The following ATG3 variants were observed in gnomAD, a reference collection of about 807,000 sequenced individuals.
ATG3 encodes ubiquitin-like-conjugating enzyme ATG3.
Under a neutral mutation model 50.7 loss-of-function variants are expected in ATG3, and 25 were observed. That is an observed-to-expected ratio of 0.49 (90% CI 0.36 to 0.69). The LOEUF (loss-of-function observed/expected upper bound fraction) is 0.69. ATG3 is among the 30% of genes least tolerant of loss of function. The probability of loss-of-function intolerance (pLI) is 0.00; values close to 1 mark genes in which losing one functional copy is unlikely to be tolerated. For missense variants in ATG3, 281 were observed against 376.0 expected (o/e 0.75, Z 2.09); for synonymous variants, 119 against 125.5 (o/e 0.95, Z 0.34).
intron 7 of ATG3, among the ~76,000 whole-genome samples, chr3:112,539,473 T>C (rs1387092754): frequency 6.6e-6 from 1 of 152,242 alleles, no homozygotes; most frequent in Non-Finnish European, 1.5e-5. Flanking sequence ...TTTATTTAAA[T>C]GGCGTGTACT....
In ATG3 at chr3:112,537,526, TTA is replaced by T. The variant is rs201273597; in HGVS notation, c.666+207_666+208del. On this transcript the variant is annotated intron_variant, in intron 9 of 11. Coordinates refer to ENST00000283290, the MANE Select transcript of ATG3 (RefSeq NM_022488.5). ...GGAATATGTAATAGATTATTTCTGT[TTA>T]TGTCTTAGCATTATTGTTACACTGA... The T allele has an allele frequency of 2.8e-3, 1,105 of 390,470 alleles. 16 individuals carry two copies. The highest frequency in any genetic ancestry group is 0.019 in the African/African-American group (938 of 48,158). The allele number at this position is 390,470 out of a possible 1,614,324, so 24.2% of individuals were successfully genotyped here.
intron 11 of ATG3, 92 bp downstream of exon 11, chr3:112,534,177 A>G (rs749425164): frequency 2.0e-6 from 3 of 1,530,356 alleles, no homozygotes; most frequent in Non-Finnish European, 8.7e-7. Context: ...AACAAGTTAT[A>G]GCTACTGTAT....
At chr3:112,557,647 T>G (rs572655454) in intron 2 of ATG3, among the ~76,000 whole-genome samples, 1 of 152,156 alleles carries the variant, frequency 6.6e-6, no homozygotes, top group Admixed American at 6.5e-5. Context: ...ACCACAAAGA[T>G]TTGGAACTAG....
intron 6 of ATG3, among the ~76,000 whole-genome samples, chr3:112,542,646 G>A (rs1049816647): frequency 5.9e-5 from 9 of 151,832 alleles, no homozygotes; most frequent in African/African-American, 1.2e-4. Flanking sequence ...CATCAGTGTC[G>A]GAGTAATTAT....
intron 2 of ATG3, among the ~76,000 whole-genome samples, chr3:112,554,873 C>CT (rs1933622275): frequency 6.6e-6 from 1 of 152,142 alleles, no homozygotes; most frequent in South Asian, 2.1e-4. Flanking sequence ...CTGATAGAAA[C>CT]TTTATGTTTC....
chr3:112,536,791 G>A (rs1933065253), intron 9 of ATG3, 189 bp from the exon 10 acceptor site: 1 of 449,856 alleles, frequency 2.2e-6, no homozygotes, highest in Admixed American at 3.7e-5. Flanking sequence ...CAGGGTGGTG[G>A]GCGCCTGTGG....
At chr3:112,544,590 G>A (rs1467390700) in intron 5 of ATG3, among the ~76,000 whole-genome samples, 3 of 141,058 alleles carry the variant, frequency 2.1e-5, no homozygotes, top group Non-Finnish European at 4.5e-5. Flanking sequence ...GAAGGTGGAG[G>A]TTGCAATGAG....
At chr3:112,545,191 G>A (rs548250237) in intron 5 of ATG3, among the ~76,000 whole-genome samples, 8 of 152,290 alleles carry the variant, frequency 5.3e-5, no homozygotes, top group African/African-American at 1.9e-4. Flanking sequence ...GTCAAATGAT[G>A]AAATTGGGAT....
In ATG3 at chr3:112,536,587, T is replaced by C. The variant is rs1933054854; in HGVS notation, c.682A>G (p.Thr228Ala). Residue 228 changes from threonine to alanine, a missense_variant, in exon 10 of 12, where the codon ACA (threonine) becomes GCA (alanine). Coordinates refer to ENST00000283290, the MANE Select transcript of ATG3 (RefSeq NM_022488.5). ...ATGTCTTCATACATGTGCTCAACTG[T>C]TAAAGGCTGCCGTTGCTGAAAGCAT... Reference protein sequence around the residue: ...FGYDEQRQPLTVEHMYEDISQ... With the variant: ...FGYDEQRQPLAVEHMYEDISQ... The C allele has an allele frequency of 1.9e-6, 3 of 1,613,922 alleles. No homozygotes were observed. The highest frequency in any genetic ancestry group is 2.5e-6 in the Non-Finnish European group (3 of 1,179,984).
chr3:112,551,929 T>C (rs765112960), intron 3 of ATG3, among the ~76,000 whole-genome samples: 4 of 152,002 alleles, frequency 2.6e-5, no homozygotes, highest in Admixed American at 1.3e-4. Context: ...AAAACAAACT[T>C]GAAACTTTAG....
intron 2 of ATG3, among the ~76,000 whole-genome samples, chr3:112,557,151 T>C (rs950990890): frequency 1.4e-5 from 2 of 140,990 alleles, no homozygotes; most frequent in African/African-American, 2.7e-5. Flanking sequence ...ACCATTTTTT[T>C]TTTTCAGACG....
At chr3:112,532,867 T>C (rs770169601) in intron 11 of ATG3, 87 bp from the exon 12 acceptor site, 25 of 1,351,812 alleles carry the variant, frequency 1.8e-5, no homozygotes, top group Non-Finnish European at 2.4e-5. Flanking sequence ...TATTAAGCCA[T>C]TAATTTCTCA....
chr3:112,541,534 C>A (rs1933227414), intron 7 of ATG3, among the ~76,000 whole-genome samples: 1 of 152,182 alleles, frequency 6.6e-6, no homozygotes. Flanking sequence ...TAATATCTTG[C>A]AGCCGTATCC....
In ATG3 at chr3:112,536,391, T is replaced by G. The variant is rs762739840; in HGVS notation, c.794+84A>C. On this transcript the variant is annotated intron_variant, in intron 10 of 11. Transcript: ENST00000283290. Reference sequence around the variant, plus strand: ...GTAAGAAAATTTTTTTCTGTTAGGGTTCTATGTTTAAAGATTCTCAAGTAA... The same window carrying G: ...GTAAGAAAATTTTTTTCTGTTAGGGGTCTATGTTTAAAGATTCTCAAGTAA... 10 of 1,528,876 alleles carry G rather than the reference T, an allele frequency of 6.5e-6. 1 individual carries two copies. The Admixed American group carries it at 1.7e-4, about 27-fold the overall frequency. The allele number at this position is 1,528,876 out of a possible 1,614,324, so 94.7% of individuals were successfully genotyped here. A position where few individuals can be genotyped will look rare whatever the true frequency, so the allele number is the denominator to read the frequency against.
At chr3:112,556,754 G>A (rs1933693704) in intron 2 of ATG3, among the ~76,000 whole-genome samples, 1 of 151,902 alleles carries the variant, frequency 6.6e-6, no homozygotes, top group Non-Finnish European at 1.5e-5. Context: ...TGAAACATGT[G>A]CTGTGTCCAC....
At chr3:112,549,069 A>C (rs1056843978) in intron 4 of ATG3, among the ~76,000 whole-genome samples, 1 of 152,250 alleles carries the variant, frequency 6.6e-6, no homozygotes, top group Non-Finnish European at 1.5e-5. Flanking sequence ...TTTCAAGGCT[A>C]AAGTAACTTT....
At chr3:112,536,393 CTA>C in intron 10 of ATG3, 80 bp downstream of exon 10, 6 of 1,533,442 alleles carry the variant, frequency 3.9e-6, no homozygotes, top group Non-Finnish European at 5.4e-6. Flanking sequence ...TGTTAGGGTT[CTA>C]TGTTTAAAGA....
chr3:112,550,394 G>A (rs763419758), intron 3 of ATG3, 132 bp from the exon 4 acceptor site: 89 of 697,286 alleles, frequency 1.3e-4, no homozygotes, highest in Non-Finnish European at 1.9e-4. Context: ...AAATTGATTT[G>A]GGAAGGACTC....
At chr3:112,561,416 G>A (rs1466104127) in intron 1 of ATG3, 41 bp downstream of exon 1, 1 of 1,598,266 alleles carries the variant, frequency 6.3e-7, no homozygotes, top group Admixed American at 1.7e-5. Flanking sequence ...GAAAAGTCGA[G>A]CATGTGCCTG....
Sources: gnomAD v4.1 joint callset for allele counts (sites outside exome capture counted in the v4.1 genomes callset) on GRCh38, gnomAD v4.1.1 for gene constraint, MANE v1.5 for transcripts, NCBI Gene and HGNC (gene_info 2026-07-23, HGNC 2026-07-21) for gene names.